Variants in PTP4A3 observed in about 807,000 individuals in gnomAD.
PTP4A3 encodes the protein protein tyrosine phosphatase 4A3, also known as protein tyrosine phosphatase type IVA 3.
A neutral mutation model predicts 15.2 loss-of-function variants in PTP4A3; 9 were observed. The ratio of observed to expected loss-of-function variants is 0.59; its 90% CI spans 0.36 to 1.03. The LOEUF is 1.03. Ranked by LOEUF, PTP4A3 falls within the 50% of genes least tolerant of loss-of-function variation. The pLI, the probability that PTP4A3 is intolerant of heterozygous loss-of-function variation, is 0.02. For synonymous variants in PTP4A3, 95 were observed against 102.0 expected (o/e 0.93, Z 0.41); for missense variants, 234 against 252.1 (o/e 0.93, Z 0.49).
At chr8:141,402,324 G>C (rs1349121261) in intron 1 of PTP4A3, among the ~76,000 whole-genome samples, 1 of 152,172 alleles carries the variant, frequency 6.6e-6, no homozygotes, top group Non-Finnish European at 1.5e-5. Context: ...CTCAGGGAGG[G>C]CTCCCCCAGA....
At chr8:141,424,700 C>T (rs1371672772) in intron 2 of PTP4A3, among the ~76,000 whole-genome samples, 1 of 152,074 alleles carries the variant, frequency 6.6e-6, no homozygotes, top group Admixed American at 6.5e-5. Context: ...GTGGGGACAC[C>T]TTTGCCTCTG....
intron 1 of PTP4A3, among the ~76,000 whole-genome samples, chr8:141,405,484 G>A (rs550805018): frequency 7.2e-5 from 11 of 152,362 alleles, no homozygotes; most frequent in Admixed American, 4.6e-4. Context: ...GGGAGTGCTT[G>A]GGTGAGAAGG....
intron 1 of PTP4A3, among the ~76,000 whole-genome samples, chr8:141,412,911 T>C (rs1186316761): frequency 6.6e-6 from 1 of 152,200 alleles, no homozygotes; most frequent in Non-Finnish European, 1.5e-5. Context: ...GGGTGGAGGC[T>C]TAGCCAGGCC....
At position 141,421,373 on chromosome 8, in the gene PTP4A3, C is replaced by T. The variant is rs555877749; in HGVS notation, c.-853-15C>T. 3.9e-5 allele frequency: 6 copies of T among 152,398 alleles called. No individual in the cohort carries two copies. The highest frequency in any genetic ancestry group is 1.3e-4 in the Admixed American group (2 of 15,308). The allele number at this position is 152,398 out of a possible 1,614,324, so 9.4% of individuals were successfully genotyped here. The stretch of plus-strand genomic sequence containing the variant: ...GTGATCCCTTTCTATTCATTTCCTT[C>T]GTCTTTCCCCACAGATGCTGTGTGC... On this transcript the variant is annotated splice_polypyrimidine_tract_variant and intron_variant, in intron 1 of 5. Transcript: ENST00000521578.
chr8:141,420,471 G>T (rs1423164534), intron 1 of PTP4A3, among the ~76,000 whole-genome samples: 2 of 152,168 alleles, frequency 1.3e-5, no homozygotes, highest in South Asian at 4.1e-4. Flanking sequence ...GAGCTTTGGG[G>T]TCATGAGACC....
At chr8:141,427,326 C>T (rs1007368030) in intron 4 of PTP4A3, among the ~76,000 whole-genome samples, 8 of 152,184 alleles carry the variant, frequency 5.3e-5, no homozygotes, top group Non-Finnish European at 1.2e-4. Context: ...GGGCTGCCGT[C>T]CCCCTCTCCA....
At chr8:141,429,583 C>T (rs1833752056) in intron 5 of PTP4A3, among the ~76,000 whole-genome samples, 1 of 151,526 alleles carries the variant, frequency 6.6e-6, no homozygotes, top group Non-Finnish European at 1.5e-5. Context: ...CTGTAAGGAC[C>T]CGGTGGCGGG....
chr8:141,430,455 G>T (rs984720291), intron 5 of PTP4A3, among the ~76,000 whole-genome samples: 1 of 152,136 alleles, frequency 6.6e-6, no homozygotes, highest in African/African-American at 2.4e-5. Context: ...CCGCTGTAAG[G>T]ACCAGGTGGT....
At chr8:141,420,997 G>T (rs964305887) in intron 1 of PTP4A3, among the ~76,000 whole-genome samples, 2 of 152,220 alleles carry the variant, frequency 1.3e-5, no homozygotes, top group African/African-American at 4.8e-5. Context: ...ATCACAGCAG[G>T]TGGGCAGGGG....
intron 1 of PTP4A3, among the ~76,000 whole-genome samples, chr8:141,393,162 C>T (rs974416937): frequency 6.6e-6 from 1 of 152,208 alleles, no homozygotes; most frequent in African/African-American, 2.4e-5. Context: ...TCCTGCAATC[C>T]TCCCAAGAAG....
intron 1 of PTP4A3, among the ~76,000 whole-genome samples, chr8:141,418,119 G>C (rs995054640): frequency 6.6e-6 from 1 of 152,004 alleles, no homozygotes; most frequent in Admixed American, 6.5e-5. Context: ...CGGGAGCCCC[G>C]CTGGCACCCA....
chr8:141,431,400 C>T lies in PTP4A3; in HGVS notation c.*356C>T. Reference sequence around the variant, plus strand: ...GGGGTGGGGGTATATTTTGTAACCACTGGGCCCCCAGCCCCTCTTTTGCGA... The same window carrying T: ...GGGGTGGGGGTATATTTTGTAACCATTGGGCCCCCAGCCCCTCTTTTGCGA... On this transcript the variant is annotated 3_prime_UTR_variant, in exon 6 of 6. Coordinates refer to ENST00000521578, the MANE Select transcript of PTP4A3 (RefSeq NM_032611.3). The T allele has an allele frequency of 3.4e-6, 1 of 292,922 alleles. No individual in the cohort carries two copies. Among genetic ancestry groups the T allele is most frequent in the East Asian group, 8.1e-5 (1 of 12,314 alleles). The allele number at this position is 292,922 out of a possible 1,614,324, so 18.1% of individuals were successfully genotyped here. A position where few individuals can be genotyped will look rare whatever the true frequency, so the allele number is the denominator to read the frequency against.
At chr8:141,400,578 G>T (rs899038247) in intron 1 of PTP4A3, among the ~76,000 whole-genome samples, 1 of 152,206 alleles carries the variant, frequency 6.6e-6, no homozygotes, top group South Asian at 2.1e-4. Context: ...CCCATGATGG[G>T]CTCTCCTAAG....
rs1268437901 is a variant in PTP4A3 at position 141,421,547 on chromosome 8, C to G, written c.-694C>G. The G allele has an allele frequency of 6.6e-6, 1 of 152,616 alleles. No homozygotes were observed. The highest frequency in any genetic ancestry group is 1.5e-5 in the Non-Finnish European group (1 of 68,330). The allele number at this position is 152,616 out of a possible 1,614,324, so 9.5% of individuals were successfully genotyped here. ...CCTGCCGATGGCCTCTGCTGCCCAG[C>G]CTGGGGCCAGCTCTACCGCCTGAGC... On this transcript the variant is annotated 5_prime_UTR_variant, in exon 2 of 6. Coordinates refer to ENST00000521578, the MANE Select transcript of PTP4A3 (RefSeq NM_032611.3).
chr8:141,411,687 C>T (rs191874279), intron 1 of PTP4A3, among the ~76,000 whole-genome samples: 42 of 152,328 alleles, frequency 2.8e-4, no homozygotes, highest in African/African-American at 8.7e-4. Context: ...CTCTGACGTG[C>T]GTCCACTAGA....
At chr8:141,403,651 A>G (rs1431345721) in intron 1 of PTP4A3, among the ~76,000 whole-genome samples, 4 of 152,246 alleles carry the variant, frequency 2.6e-5, no homozygotes, top group Non-Finnish European at 5.9e-5. Context: ...CACTTCTAAC[A>G]TTAAACACTG....
intron 1 of PTP4A3, among the ~76,000 whole-genome samples, chr8:141,408,273 A>G (rs1832781715): frequency 6.6e-6 from 1 of 152,240 alleles, no homozygotes; most frequent in African/African-American, 2.4e-5. Flanking sequence ...ATTAGTGGTG[A>G]TGATTACACA....
At position 141,431,087 on chromosome 8, in the gene PTP4A3, C is replaced by T. The variant is rs1833853155; in HGVS notation, c.*43C>T. ...GCCTGGTCGTCATGTAGGTCAGGAC[C>T]TTGGCTGGACCTGGAGGCCCTGCCC... is the stretch of plus-strand genomic sequence containing the variant. On this transcript the variant is annotated 3_prime_UTR_variant, in exon 6 of 6. Coordinates refer to ENST00000521578, the MANE Select transcript of PTP4A3 (RefSeq NM_032611.3). The T allele has an allele frequency of 6.3e-7, 1 of 1,587,568 alleles. No individual in the cohort carries two copies. Among genetic ancestry groups the T allele is most frequent in the East Asian group, 2.2e-5 (1 of 44,724 alleles).
At chr8:141,415,615 C>T (rs1187148144) in intron 1 of PTP4A3, among the ~76,000 whole-genome samples, 7 of 66,484 alleles carry the variant, frequency 1.1e-4, no homozygotes, top group African/African-American at 2.8e-4. Flanking sequence ...TTTTGACGTG[C>T]GCGGAGGGCG....
Sources: gnomAD v4.1 joint callset for allele counts (sites outside exome capture counted in the v4.1 genomes callset) on GRCh38, gnomAD v4.1.1 for gene constraint, MANE v1.5 for transcripts, NCBI Gene and HGNC (gene_info 2026-07-23, HGNC 2026-07-21) for gene names.